Variants in TNKS observed in about 807,000 individuals in gnomAD.
TNKS encodes the protein tankyrase.
Under a neutral mutation model 135.8 loss-of-function variants are expected in TNKS, and 72 were observed. That is an observed-to-expected ratio of 0.53 (90% CI 0.44 to 0.64). The LOEUF is 0.64. Among genes scored for constraint, TNKS ranks in the 30% least tolerant of loss-of-function variants. The pLI is 0.00. For missense variants in TNKS, 1,769 were observed against 1,674.0 expected (o/e 1.06, Z -0.99); for synonymous variants, 849 against 649.3 (o/e 1.31, Z -4.68).
chr8:9,562,296 A>G (rs989788024), intron 1 of TNKS, among the ~76,000 whole-genome samples: 15 of 152,010 alleles, frequency 9.9e-5, no homozygotes, highest in Non-Finnish European at 1.8e-4. Context: ...TTACTGATTA[A>G]TTTTCTTAAT....
intron 3 of TNKS, among the ~76,000 whole-genome samples, chr8:9,657,150 G>A (rs1404723819): frequency 2.9e-5 from 4 of 135,910 alleles, no homozygotes; most frequent in African/African-American, 1.1e-4. Context: ...CCTCCCAGAC[G>A]GGGTGGTGGC....
intron 3 of TNKS, among the ~76,000 whole-genome samples, chr8:9,668,469 A>G (rs1031479361): frequency 1.3e-5 from 2 of 152,226 alleles, no homozygotes; most frequent in Non-Finnish European, 2.9e-5. Flanking sequence ...TGTACACATA[A>G]TGGTTAGAAA....
chr8:9,663,011 C>A (rs1228119302), intron 3 of TNKS, among the ~76,000 whole-genome samples: 9 of 152,140 alleles, frequency 5.9e-5, no homozygotes, highest in Non-Finnish European at 1.3e-4. Flanking sequence ...CCAGTATAAT[C>A]ACAAGGATTC....
At chr8:9,651,158 C>T (rs895110726) in intron 3 of TNKS, among the ~76,000 whole-genome samples, 1 of 152,046 alleles carries the variant, frequency 6.6e-6, no homozygotes, top group Non-Finnish European at 1.5e-5. Context: ...GTCCTCTCTT[C>T]TGTTCCAACT....
At chr8:9,569,653 T>G (rs1228392573) in intron 1 of TNKS, among the ~76,000 whole-genome samples, 2 of 152,252 alleles carry the variant, frequency 1.3e-5, no homozygotes, top group Admixed American at 1.3e-4. Context: ...TGTACACGTC[T>G]GTAAACGTCA....
intron 3 of TNKS, among the ~76,000 whole-genome samples, chr8:9,642,442 A>T (rs1236633180): frequency 6.8e-6 from 1 of 146,472 alleles, no homozygotes; most frequent in Non-Finnish European, 1.5e-5. Flanking sequence ...CCACATATTT[A>T]AATTTTATTT....
intron 9 of TNKS, among the ~76,000 whole-genome samples, chr8:9,708,834 A>G (rs1804181633): frequency 6.6e-6 from 1 of 152,034 alleles, no homozygotes; most frequent in Non-Finnish European, 1.5e-5. Flanking sequence ...TAAATACTAG[A>G]TTTCCTTCTG....
intron 17 of TNKS, chr8:9,741,683 C>T (rs777312687): frequency 2.7e-5 from 14 of 525,588 alleles, no homozygotes; most frequent in African/African-American, 9.7e-5. Context: ...ACTTACTCTA[C>T]GTGTGTGTCA....
intron 5 of TNKS, among the ~76,000 whole-genome samples, chr8:9,684,081 G>A (rs1213050085): frequency 6.6e-6 from 1 of 151,830 alleles, no homozygotes; most frequent in Non-Finnish European, 1.5e-5. Context: ...TAGGGACATA[G>A]ATGTTATTTA....
At chr8:9,578,055 T>A (rs1466129846) in intron 1 of TNKS, among the ~76,000 whole-genome samples, 1 of 152,184 alleles carries the variant, frequency 6.6e-6, no homozygotes, top group East Asian at 1.9e-4. Context: ...CTCCCTTGAC[T>A]CCACGGCTCA....
At chr8:9,579,603 G>T (rs1264656820) in intron 1 of TNKS, among the ~76,000 whole-genome samples, 1 of 152,068 alleles carries the variant, frequency 6.6e-6, no homozygotes, top group Non-Finnish European at 1.5e-5. Flanking sequence ...CAAGTAGGTG[G>T]GATTACAGGT....
chr8:9,617,570 C>G (rs1448681385), intron 3 of TNKS, among the ~76,000 whole-genome samples: 1 of 152,142 alleles, frequency 6.6e-6, no homozygotes, highest in Non-Finnish European at 1.5e-5. Context: ...TGAAATAACA[C>G]TTAGGTGAAA....
At chr8:9,637,491 T>G (rs1800556879) in intron 3 of TNKS, among the ~76,000 whole-genome samples, 2 of 152,224 alleles carry the variant, frequency 1.3e-5, no homozygotes, top group Non-Finnish European at 2.9e-5. Flanking sequence ...TGTTGTTGTT[T>G]TTTATTATTC....
intron 8 of TNKS, among the ~76,000 whole-genome samples, chr8:9,708,120 G>A (rs1804137282): frequency 6.6e-6 from 1 of 152,080 alleles, no homozygotes; most frequent in African/African-American, 2.4e-5. Flanking sequence ...AAATTTTGCT[G>A]CAATAAGTAT....
At chr8:9,654,757 A>G (rs547173257) in intron 3 of TNKS, among the ~76,000 whole-genome samples, 1 of 152,190 alleles carries the variant, frequency 6.6e-6, no homozygotes, top group African/African-American at 2.4e-5. Flanking sequence ...AAAAGTATCT[A>G]CTTGGGGGTG....
At chr8:9,751,142 T>C (rs1442990998) in intron 18 of TNKS, among the ~76,000 whole-genome samples, 2 of 152,176 alleles carry the variant, frequency 1.3e-5, no homozygotes, top group Non-Finnish European at 2.9e-5. Flanking sequence ...GGAGACTATC[T>C]CCCGCATACT....
intron 3 of TNKS, among the ~76,000 whole-genome samples, chr8:9,674,420 G>C (rs1032493089): frequency 6.6e-6 from 1 of 152,142 alleles, no homozygotes; most frequent in Non-Finnish European, 1.5e-5. Context: ...AAAAGCTTAT[G>C]TTTTGGTAGT....
At chr8:9,721,206 C>T (rs9644706) in intron 12 of TNKS, among the ~76,000 whole-genome samples, 15,098 of 150,174 alleles carry the variant, frequency 0.1, 910 homozygotes, top group South Asian at 0.18. Context: ...TGCTTGAACG[C>T]GGGAGGCGGA....
intron 25 of TNKS, 79 bp from the exon 26 acceptor site, chr8:9,770,027 A>C (rs1310787569): frequency 1.5e-6 from 2 of 1,334,950 alleles, no homozygotes; most frequent in Non-Finnish European, 2.0e-6. Context: ...AAATTTTTAA[A>C]AAATTAATAG....
Sources: gnomAD v4.1 joint callset for allele counts (sites outside exome capture counted in the v4.1 genomes callset) on GRCh38, gnomAD v4.1.1 for gene constraint, MANE v1.5 for transcripts, NCBI Gene and HGNC (gene_info 2026-07-23, HGNC 2026-07-21) for gene names.